Variants in CACNA1S observed in about 807,000 individuals in gnomAD.
CACNA1S encodes voltage-dependent L-type calcium channel subunit alpha-1S.
Under a neutral mutation model 207.4 loss-of-function variants are expected in CACNA1S, and 126 were observed. That is an observed-to-expected ratio of 0.61 (90% CI 0.53 to 0.70). CACNA1S has a LOEUF of 0.70. Among genes scored for constraint, CACNA1S ranks in the 30% least tolerant of loss-of-function variants. CACNA1S has a pLI of 0.00. For synonymous variants in CACNA1S, 960 were observed against 932.7 expected, an observed-to-expected ratio of 1.03 and a Z score of -0.53; for missense variants, 2,349 against 2,422.8, an observed-to-expected ratio of 0.97 and a Z score of 0.64.
chr1:201,083,951 T>C (rs1661934073), intron 9 of CACNA1S, among the ~76,000 whole-genome samples: 1 of 152,166 alleles, frequency 6.6e-6, no homozygotes, highest in Non-Finnish European at 1.5e-5. Context: ...GAAGTGGTCA[T>C]ACTCATCCAC....
At chr1:201,060,618 C>A (rs1192297710) in intron 26 of CACNA1S, 40 bp downstream of exon 26, 4 of 1,612,838 alleles carry the variant, frequency 2.5e-6, no homozygotes, top group Middle Eastern at 1.6e-4. Flanking sequence ...AGGCCCAGGT[C>A]CCAGTCTGAT....
intron 40 of CACNA1S, 152 bp downstream of exon 40, chr1:201,043,129 C>T: frequency 1.0e-6 from 1 of 988,236 alleles, no homozygotes. Context: ...CGAGGTCGGC[C>T]TCTTACATTA....
At chr1:201,088,651 C>G (rs868324251) in intron 6 of CACNA1S, among the ~76,000 whole-genome samples, 4 of 152,136 alleles carry the variant, frequency 2.6e-5, no homozygotes, top group Admixed American at 6.5e-5. Context: ...CTCTGAGCCT[C>G]AGTTTCTTTA....
chr1:201,102,320 C>T (rs768399615), intron 2 of CACNA1S, among the ~76,000 whole-genome samples: 1 of 152,148 alleles, frequency 6.6e-6, no homozygotes, highest in Non-Finnish European at 1.5e-5. Flanking sequence ...GGAACTGAGA[C>T]GGGCTTCCCA....
At position 201,060,657 on chromosome 1, in the gene CACNA1S, C is replaced by T; in HGVS notation, c.3414+1G>A. ...ACATTTTTCTCCTGGGGAGCCCTTA[C>T]CTGCATGCCGAGGCAGATGGTGTTG... On this transcript the variant is annotated splice_donor_variant, in intron 26 of 43. Coordinates refer to ENST00000362061, the MANE Select transcript of CACNA1S (RefSeq NM_000069.3). LOFTEE classifies it high-confidence loss of function. 1 of 1,614,192 alleles carries T rather than the reference C, an allele frequency of 6.2e-7. No individual in the cohort carries two copies. The highest frequency in any genetic ancestry group is 8.5e-7 in the Non-Finnish European group (1 of 1,180,036).
rs770379814 is a variant in CACNA1S, at chr1:201,085,433, A to G, written c.1150+3T>C. 6.2e-7 allele frequency: 1 copy of G among 1,613,604 alleles called. No individual in the cohort carries two copies. The highest frequency in any genetic ancestry group is 1.7e-5 in the Admixed American group (1 of 59,896). On this transcript the variant is annotated splice_donor_region_variant and intron_variant, in intron 8 of 43. Transcript: ENST00000362061. ...GTGCTGACCACAGCCTTTGGGCCCA[A>G]ACCTTCTCTGAAGTCCTCAACATCC...
At chr1:201,065,990 A>C in intron 21 of CACNA1S, 45 bp from the exon 22 acceptor site, 1 of 1,352,736 alleles carries the variant, frequency 7.4e-7, no homozygotes, top group Non-Finnish European at 1.1e-6. Context: ...CACCCACAGT[A>C]ACCCTGCTAG....
intron 32 of CACNA1S, among the ~76,000 whole-genome samples, chr1:201,051,963 TGC>T (rs1660668875): frequency 6.6e-6 from 1 of 152,124 alleles, no homozygotes; most frequent in African/African-American, 2.4e-5. Flanking sequence ...TGACACGCTG[TGC>T]CAAGAAGGGG....
chr1:201,099,123 C>G (rs982443925), intron 2 of CACNA1S, among the ~76,000 whole-genome samples: 1 of 152,238 alleles, frequency 6.6e-6, no homozygotes, highest in Non-Finnish European at 1.5e-5. Flanking sequence ...CTTCTCCTCC[C>G]CTGGCCCGCA....
At chr1:201,075,940 C>T (rs1661597353) in intron 12 of CACNA1S, among the ~76,000 whole-genome samples, 1 of 152,140 alleles carries the variant, frequency 6.6e-6, no homozygotes, top group South Asian at 2.1e-4. Context: ...TGGTGGTGGG[C>T]ACCTGTAATC....
chr1:201,040,706 GT>G lies in CACNA1S; in HGVS notation c.5141del (p.His1714ProfsTer9). On this transcript the variant is annotated frameshift_variant, in exon 42 of 44. Coordinates refer to ENST00000362061, the MANE Select transcript of CACNA1S (RefSeq NM_000069.3). LOFTEE classifies it high-confidence loss of function. Reference sequence around the variant, plus strand: ...TCAGCATCTCCACACAGGGTTTGCTGTGGGGTCCTGTATGCAAGAAGGGGCA... The same window carrying G: ...TCAGCATCTCCACACAGGGTTTGCTGGGGGTCCTGTATGCAAGAAGGGGCA... ...LGQPCRVLGP[H>X]SKPCVEMLKG... 1 of 1,613,846 alleles carries G rather than the reference GT, an allele frequency of 6.2e-7. No individual in the cohort carries two copies. Among genetic ancestry groups the G allele is most frequent in the Non-Finnish European group, 8.5e-7 (1 of 1,179,880 alleles).
intron 26 of CACNA1S, among the ~76,000 whole-genome samples, chr1:201,059,912 T>C (rs1350638470): frequency 6.6e-6 from 1 of 152,224 alleles, no homozygotes; most frequent in Non-Finnish European, 1.5e-5. Flanking sequence ...TGGATGAAAT[T>C]CTACCTCTTC....
At chr1:201,103,855 T>C (rs1237702408) in intron 2 of CACNA1S, among the ~76,000 whole-genome samples, 2 of 152,088 alleles carry the variant, frequency 1.3e-5, no homozygotes, top group Admixed American at 6.5e-5. Context: ...TCCAGCCTCG[T>C]GGAGGACGCT....
chr1:201,045,734 C>CAA (rs56958698), intron 38 of CACNA1S, among the ~76,000 whole-genome samples: 57 of 72,598 alleles, frequency 7.9e-4, no homozygotes, highest in African/African-American at 1.9e-3. Flanking sequence ...CTCTTGTCTC[C>CAA]AAAAAAAAAA....
At chr1:201,109,060 C>G (rs1270796819) in intron 2 of CACNA1S, among the ~76,000 whole-genome samples, 1 of 152,120 alleles carries the variant, frequency 6.6e-6, no homozygotes, top group Non-Finnish European at 1.5e-5. Context: ...CCAGCCTGGC[C>G]AACATGGCGA....
At chr1:201,111,618 G>T (rs1320430918) in intron 1 of CACNA1S, among the ~76,000 whole-genome samples, 1 of 152,058 alleles carries the variant, frequency 6.6e-6, no homozygotes, top group African/African-American at 2.4e-5. Flanking sequence ...TGCCCCCAGA[G>T]GAAGCCTTCC....
At position 201,091,667 on chromosome 1, in the gene CACNA1S, G is replaced by T. The variant is rs777445319; in HGVS notation, c.667C>A (p.His223Asn). ...GTACCAATGAAGTAGCAGGTCTTGT[G>T]CATCTTGCCCTTGAAGAGCTCCAGC... is the stretch of plus-strand genomic sequence containing the variant. Reference protein sequence around the residue: ...IGLELFKGKMHKTCYFIGTDI... With the variant: ...IGLELFKGKMNKTCYFIGTDI... Residue 223 changes from histidine (H) to asparagine (N), a missense_variant, in exon 5 of 44, where the codon CAC becomes AAC. By Grantham distance (68) the His-to-Asn change is moderately conservative. Coordinates refer to ENST00000362061, the MANE Select transcript of CACNA1S (RefSeq NM_000069.3). The T allele has an allele frequency of 2.4e-5, 39 of 1,614,232 alleles. No homozygotes were observed. The highest frequency in any genetic ancestry group is 3.2e-5 in the Non-Finnish European group (38 of 1,180,040).
At chr1:201,090,050 T>C (rs1662170633) in intron 5 of CACNA1S, among the ~76,000 whole-genome samples, 1 of 152,270 alleles carries the variant, frequency 6.6e-6, no homozygotes, top group Admixed American at 6.5e-5. Flanking sequence ...CATCTCCTTT[T>C]ATCTTAGGAT....
At chr1:201,075,307 C>G (rs1661567833) in intron 13 of CACNA1S, among the ~76,000 whole-genome samples, 188 bp downstream of exon 13, 1 of 152,206 alleles carries the variant, frequency 6.6e-6, no homozygotes, top group Non-Finnish European at 1.5e-5. Flanking sequence ...ATCTTTTTGG[C>G]ACAAAGAATT....
Sources: gnomAD v4.1 joint callset for allele counts (sites outside exome capture counted in the v4.1 genomes callset) on GRCh38, gnomAD v4.1.1 for gene constraint, MANE v1.5 for transcripts, NCBI Gene and HGNC (gene_info 2026-07-23, HGNC 2026-07-21) for gene names.